The following ABCB5 variants were observed in gnomAD, a reference collection of about 807,000 sequenced individuals.
ABCB5 encodes ATP-binding cassette sub-family B member 5.
Under a neutral mutation model 144.2 loss-of-function variants are expected in ABCB5, and 155 were observed. The ratio of observed to expected loss-of-function variants is 1.08; its 90% CI spans 0.94 to 1.23. ABCB5 has a LOEUF of 1.23. Among genes scored for constraint, ABCB5 ranks in the 50% most tolerant of loss-of-function variants. ABCB5 has a pLI of 0.00. For missense variants in ABCB5, 1,830 were observed against 1,520.8 expected, an observed-to-expected ratio of 1.20 and a Z score of -3.38; for synonymous variants, 610 against 528.6, an observed-to-expected ratio of 1.15 and a Z score of -2.11.
In ABCB5 at chr7:20,728,356, C is replaced by A. The variant is rs751315652; in HGVS notation, c.2768C>A (p.Ala923Glu). 1 of 1,614,126 alleles carries A rather than the reference C, an allele frequency of 6.2e-7. No individual in the cohort carries two copies. The highest frequency in any genetic ancestry group is 1.1e-5 in the South Asian group (1 of 91,082). Reference sequence around the variant, plus strand: ...GCACAGATTATTGGAAGCTGTTATGCATTCAGCCATGCCTTTATATATTTT... The same window carrying A: ...GCACAGATTATTGGAAGCTGTTATGAATTCAGCCATGCCTTTATATATTTT... ...KKAQIIGSCY[A>E]FSHAFIYFAY... Residue 923 changes from alanine (A) to glutamate (E), a missense_variant, in exon 23 of 28, where the codon GCA becomes GAA. Physicochemically the swap from Ala to Glu is moderately radical, Grantham distance 107. Coordinates refer to ENST00000404938, the MANE Select transcript of ABCB5 (RefSeq NM_001163941.2).
chr7:20,662,033 C>T (rs1785020206), intron 14 of ABCB5, among the ~76,000 whole-genome samples: 1 of 152,166 alleles, frequency 6.6e-6, no homozygotes, highest in Non-Finnish European at 1.5e-5. Context: ...GGAGACATGG[C>T]AGTGAGCACC....
At chr7:20,644,235 C>T (rs73278603) in intron 7 of ABCB5, among the ~76,000 whole-genome samples, 1,843 of 152,172 alleles carry the variant, frequency 0.012, 38 homozygotes, top group African/African-American at 0.041. Flanking sequence ...CAGGCAACCA[C>T]GCCCAGCTAA....
chr7:20,654,140 C>G (rs148591114), intron 13 of ABCB5, among the ~76,000 whole-genome samples: 76 of 152,164 alleles, frequency 5.0e-4, no homozygotes, highest in African/African-American at 1.7e-3. Context: ...CAAGATCAGT[C>G]AGTGCTTGAG....
At chr7:20,640,295 G>A (rs1041180850) in intron 5 of ABCB5, among the ~76,000 whole-genome samples, 1 of 152,146 alleles carries the variant, frequency 6.6e-6, no homozygotes, top group Non-Finnish European at 1.5e-5. Flanking sequence ...AGGATCCTGT[G>A]AACCTCTGGT....
intron 20 of ABCB5, among the ~76,000 whole-genome samples, chr7:20,712,291 T>C (rs1035638937): frequency 1.3e-5 from 2 of 148,770 alleles, no homozygotes; most frequent in African/African-American, 2.5e-5. Context: ...CTTCCTTTGC[T>C]TTTAAGATGC....
At chr7:20,629,186 A>T (rs993582407) in intron 4 of ABCB5, among the ~76,000 whole-genome samples, 5 of 40,170 alleles carry the variant, frequency 1.2e-4, no homozygotes, top group African/African-American at 4.0e-4. Flanking sequence ...GTGTGTGTGT[A>T]AAGAGTGAGA....
At chr7:20,755,084 G>A (rs544703623) in intron 27 of ABCB5, among the ~76,000 whole-genome samples, 2 of 151,978 alleles carry the variant, frequency 1.3e-5, no homozygotes, top group African/African-American at 2.4e-5. Context: ...CAAATAGCTC[G>A]GATTACAGAT....
chr7:20,649,589 G>T (rs1784516476), intron 11 of ABCB5, among the ~76,000 whole-genome samples: 1 of 152,126 alleles, frequency 6.6e-6, no homozygotes, highest in East Asian at 1.9e-4. Context: ...AAGAAACTTT[G>T]CCAGCTGTTT....
chr7:20,615,871 A>T (rs1033710159), intron 1 of ABCB5, 34 bp downstream of exon 1: 1 of 152,350 alleles, frequency 6.6e-6, no homozygotes, highest in African/African-American at 2.4e-5. Flanking sequence ...AGATTATGAA[A>T]ACAATTGAAG....
At chr7:20,747,625 C>G (rs1477290626) in intron 26 of ABCB5, among the ~76,000 whole-genome samples, 1 of 152,118 alleles carries the variant, frequency 6.6e-6, no homozygotes, top group African/African-American at 2.4e-5. Context: ...CACATTTACT[C>G]AAAACTATAT....
intron 15 of ABCB5, 94 bp from the exon 16 acceptor site, chr7:20,685,602 C>A: frequency 8.6e-7 from 1 of 1,156,786 alleles, no homozygotes; most frequent in Non-Finnish European, 1.2e-6. Context: ...CTTTCAATAG[C>A]AAAGGCGATA....
intron 14 of ABCB5, chr7:20,659,335 A>T (rs1784921471): frequency 2.2e-6 from 3 of 1,368,622 alleles, no homozygotes; most frequent in South Asian, 2.0e-5. Flanking sequence ...GAGCCTTCAG[A>T]CCCCTTACAA....
intron 16 of ABCB5, among the ~76,000 whole-genome samples, chr7:20,694,545 A>G (rs1265463609): frequency 6.6e-6 from 1 of 152,066 alleles, no homozygotes; most frequent in Non-Finnish European, 1.5e-5. Flanking sequence ...AGAACAAGGC[A>G]AGGGCATACA....
intron 23 of ABCB5, among the ~76,000 whole-genome samples, chr7:20,735,904 G>C (rs1241733357): frequency 6.6e-6 from 1 of 152,132 alleles, no homozygotes; most frequent in Non-Finnish European, 1.5e-5. Context: ...TTATCTCCTA[G>C]GTGATTAGAT....
rs140025642 is a variant in ABCB5, at chr7:20,709,305, T to C, written c.2421+4498T>C. On this transcript the variant is annotated intron_variant, in intron 20 of 27. Coordinates refer to ENST00000404938, the MANE Select transcript of ABCB5 (RefSeq NM_001163941.2). ...TCATTCTCATTTTCATATTTTAGTTTTGCGAAGAAATTCTGCTAAGACAAG... is the reference window on the plus strand; with the variant it reads ...TCATTCTCATTTTCATATTTTAGTTCTGCGAAGAAATTCTGCTAAGACAAG... Among the ~76,000 whole-genome samples, 268 of 150,152 alleles carry C rather than the reference T, an allele frequency of 1.8e-3. 25 individuals carry two copies. The highest frequency in any genetic ancestry group is 6.2e-3 in the African/African-American group (251 of 40,706).
intron 4 of ABCB5, among the ~76,000 whole-genome samples, chr7:20,631,358 G>C (rs1784033092): frequency 6.6e-6 from 1 of 152,082 alleles, no homozygotes; most frequent in Non-Finnish European, 1.5e-5. Flanking sequence ...CATAAGCATT[G>C]TAATATGTGA....
At chr7:20,624,286 A>G (rs533328802) in intron 2 of ABCB5, among the ~76,000 whole-genome samples, 5 of 152,302 alleles carry the variant, frequency 3.3e-5, no homozygotes, top group African/African-American at 1.2e-4. Context: ...TACAGTTAAG[A>G]GTTTGGGTTC....
At chr7:20,684,952 A>G (rs1785946866) in intron 15 of ABCB5, among the ~76,000 whole-genome samples, 1 of 152,164 alleles carries the variant, frequency 6.6e-6, no homozygotes, top group Admixed American at 6.5e-5. Flanking sequence ...TCCTCCTGGG[A>G]AAGTCATTGA....
At chr7:20,718,137 C>T (rs1175413765) in intron 20 of ABCB5, among the ~76,000 whole-genome samples, 12 of 151,452 alleles carry the variant, frequency 7.9e-5, no homozygotes, top group African/African-American at 2.9e-4. Context: ...TCTTGATCTC[C>T]GGACCTCGTG....
Sources: gnomAD v4.1 joint callset for allele counts (sites outside exome capture counted in the v4.1 genomes callset) on GRCh38, gnomAD v4.1.1 for gene constraint, MANE v1.5 for transcripts, NCBI Gene and HGNC (gene_info 2026-07-23, HGNC 2026-07-21) for gene names.